ATP6V0E1: variants seen among roughly 807,000 people sequenced by gnomAD.
ATP6V0E1 encodes the protein ATPase H+ transporting V0 subunit e1.
Under a neutral mutation model 11.6 loss-of-function variants are expected in ATP6V0E1, and 4 were observed. The ratio of observed to expected loss-of-function variants is 0.35; its 90% CI spans 0.17 to 0.79. ATP6V0E1 has a LOEUF of 0.79. Among genes scored for constraint, ATP6V0E1 ranks in the 30% least tolerant of loss-of-function variants. The pLI, the probability that ATP6V0E1 is intolerant of heterozygous loss-of-function variation, is 0.54. For synonymous variants in ATP6V0E1, 36 were observed against 34.8 expected (o/e 1.04, Z -0.13); for missense variants, 105 against 100.0 (o/e 1.05, Z -0.21).
At chr5:173,006,541 C>T (rs915569949) in intron 2 of ATP6V0E1, among the ~76,000 whole-genome samples, 5 of 152,038 alleles carry the variant, frequency 3.3e-5, no homozygotes, top group Admixed American at 6.5e-5. Flanking sequence ...ACCCGGGAGG[C>T]GGAGGTCGCA....
intron 1 of ATP6V0E1, chr5:172,986,847 G>T: frequency 2.6e-6 from 1 of 385,946 alleles, no homozygotes; most frequent in Non-Finnish European, 5.1e-6. Context: ...GAGTGCAGTG[G>T]CGTGATACTG....
intron 1 of ATP6V0E1, among the ~76,000 whole-genome samples, chr5:172,991,753 A>G (rs921137832): frequency 6.6e-6 from 1 of 152,186 alleles, no homozygotes; most frequent in African/African-American, 2.4e-5. Context: ...TGTATAAATT[A>G]TGTATTTCAA....
intron 1 of ATP6V0E1, among the ~76,000 whole-genome samples, chr5:172,991,025 C>T (rs1755971263): frequency 6.6e-6 from 1 of 152,050 alleles, no homozygotes; most frequent in Non-Finnish European, 1.5e-5. Context: ...GTGCTCATAT[C>T]TCACTACAGC....
At chr5:173,033,872 A>C (rs1756701613) in intron 3 of ATP6V0E1, among the ~76,000 whole-genome samples, 1 of 152,044 alleles carries the variant, frequency 6.6e-6, no homozygotes, top group African/African-American at 2.4e-5. Flanking sequence ...AACAAAACAA[A>C]AAAAAAGATG....
intron 1 of ATP6V0E1, among the ~76,000 whole-genome samples, chr5:172,993,734 G>A (rs1253341185): frequency 7.7e-6 from 1 of 130,640 alleles, no homozygotes; most frequent in East Asian, 2.3e-4. Context: ...AGCCAGGCCT[G>A]GTTGTGTACA....
intron 1 of ATP6V0E1, among the ~76,000 whole-genome samples, chr5:172,993,296 G>A (rs980871638): frequency 6.6e-6 from 1 of 152,066 alleles, no homozygotes; most frequent in African/African-American, 2.4e-5. Context: ...ATTACTTGAG[G>A]CCAGGAGTTT....
intron 3 of ATP6V0E1, chr5:173,020,758 C>T (rs185838457): frequency 5.8e-6 from 3 of 519,338 alleles, no homozygotes; most frequent in Admixed American, 3.9e-5. Context: ...CGGACAGAAC[C>T]GTTCCTGTGA....
intron 1 of ATP6V0E1, among the ~76,000 whole-genome samples, chr5:172,988,391 A>G (rs1755929842): frequency 6.6e-6 from 1 of 152,200 alleles, no homozygotes; most frequent in African/African-American, 2.4e-5. Context: ...ACCTAGGCAG[A>G]TGATCCCTGT....
Position 173,012,038 on chromosome 5 carries a change from ATT to A in ATP6V0E1, c.153-8184_153-8183del, listed in dbSNP as rs34022628. On this transcript the variant is annotated intron_variant, in intron 2 of 3. Coordinates refer to ENST00000519374, the MANE Select transcript of ATP6V0E1 (RefSeq NM_003945.4). ...CCAGACTAGACTGTTTCCTAGGTAAATTTTTTTTTTTTTTTTTGAGTCTTGCT... is the reference window on the plus strand; with the variant it reads ...CCAGACTAGACTGTTTCCTAGGTAAATTTTTTTTTTTTTTTGAGTCTTGCT... Among the ~76,000 whole-genome samples the A allele has an allele frequency of 3.9e-3, 547 of 138,698 alleles. 2 individuals carry two copies. The highest frequency in any genetic ancestry group is 0.014 in the African/African-American group (512 of 37,348). The allele number at this position is 138,698 out of a possible 152,430, so 91.0% of individuals were successfully genotyped here. A position where few individuals can be genotyped will look rare whatever the true frequency, so the allele number is the denominator to read the frequency against.
At chr5:172,986,672 C>T in intron 1 of ATP6V0E1, 1 of 445,920 alleles carries the variant, frequency 2.2e-6, no homozygotes, top group Non-Finnish European at 4.5e-6. Context: ...GAAGAGGCTG[C>T]AGGCACCATG....
chr5:173,001,841 C>G (rs1756160588), intron 2 of ATP6V0E1, among the ~76,000 whole-genome samples: 1 of 151,944 alleles, frequency 6.6e-6, no homozygotes, highest in Non-Finnish European at 1.5e-5. Flanking sequence ...GCCTCAGCCT[C>G]CCGAGTAACT....
intron 2 of ATP6V0E1, among the ~76,000 whole-genome samples, chr5:172,997,418 T>C (rs577518325): frequency 6.6e-6 from 1 of 152,212 alleles, no homozygotes; most frequent in Non-Finnish European, 1.5e-5. Context: ...AGTCTGTATA[T>C]GCAAAGTAAG....
chr5:173,021,708 G>C, intron 3 of ATP6V0E1, among the ~76,000 whole-genome samples: 1 of 152,132 alleles, frequency 6.6e-6, no homozygotes, highest in East Asian at 1.9e-4. Context: ...ATTTCAACAT[G>C]AGATTTGGAG....
intron 3 of ATP6V0E1, among the ~76,000 whole-genome samples, chr5:173,031,135 G>A (rs976480662): frequency 2.0e-5 from 3 of 151,802 alleles, no homozygotes; most frequent in Admixed American, 6.6e-5. Context: ...TATTTGAGAC[G>A]GGGTTTCACT....
intron 3 of ATP6V0E1, chr5:173,021,012 A>G (rs752659352): frequency 2.1e-6 from 1 of 480,438 alleles, no homozygotes; most frequent in Non-Finnish European, 4.2e-6. Flanking sequence ...AAAGGAATAC[A>G]TGAGACTGGG....
At chr5:172,998,379 G>T (rs549263902) in intron 2 of ATP6V0E1, among the ~76,000 whole-genome samples, 1 of 151,724 alleles carries the variant, frequency 6.6e-6, no homozygotes, top group South Asian at 2.1e-4. Context: ...GGCCAAGGCG[G>T]GAAGATCACC....
chr5:173,027,606 G>A (rs555955815), intron 3 of ATP6V0E1, among the ~76,000 whole-genome samples: 2 of 151,672 alleles, frequency 1.3e-5, no homozygotes, highest in South Asian at 2.1e-4. Context: ...TTATACGTAC[G>A]TGTGGGTTTT....
intron 2 of ATP6V0E1, among the ~76,000 whole-genome samples, chr5:173,013,304 G>A (rs950631171): frequency 6.6e-6 from 1 of 151,446 alleles, no homozygotes; most frequent in Admixed American, 6.6e-5. Flanking sequence ...GGCCGGGCGC[G>A]GTGGCTCACG....
intron 2 of ATP6V0E1, among the ~76,000 whole-genome samples, chr5:173,012,592 A>G (rs1236624669): frequency 6.6e-6 from 1 of 151,852 alleles, no homozygotes; most frequent in East Asian, 2.0e-4. Context: ...ATCTCTACTA[A>G]AAATACAAAA....
Sources: gnomAD v4.1 joint callset for allele counts (sites outside exome capture counted in the v4.1 genomes callset) on GRCh38, gnomAD v4.1.1 for gene constraint, MANE v1.5 for transcripts, NCBI Gene and HGNC (gene_info 2026-07-23, HGNC 2026-07-21) for gene names.